ZNF85: variants seen among roughly 807,000 people sequenced by gnomAD.
ZNF85 encodes zinc finger protein 85, also known as zinc finger protein 85 (HPF4, HTF1).
A neutral mutation model predicts 53.9 loss-of-function variants in ZNF85; 50 were observed. The ratio of observed to expected loss-of-function variants is 0.93; its 90% CI spans 0.74 to 1.17. The LOEUF (loss-of-function observed/expected upper bound fraction) is 1.17, where lower values mean the gene tolerates loss of function less well. ZNF85 is among the 50% of genes most tolerant of loss of function. The pLI is 0.00. For synonymous variants in ZNF85, 225 were observed against 226.1 expected (o/e 1.00, Z 0.04); for missense variants, 747 against 688.5 (o/e 1.08, Z -0.95).
chr19:20,930,120 CAAAAAAAAAAA>C (rs57832039), intron 1 of ZNF85, among the ~76,000 whole-genome samples: 23 of 79,272 alleles, frequency 2.9e-4, no homozygotes, highest in Non-Finnish European at 4.3e-4. Flanking sequence ...GACTCCGTCC[CAAAAAAAAAAA>C]AAAAAAAAAA....
At position 20,950,293 on chromosome 19, in the gene ZNF85, A is replaced by G; in HGVS notation, c.1779A>G (p.Leu593=). Residue 593 remains leucine (L), a synonymous_variant, in exon 4 of 4, where the codon TTA becomes TTG. Coordinates refer to ENST00000328178, the MANE Select transcript of ZNF85 (RefSeq NM_003429.5). ...KHKIIHTGEK[L]QI The stretch of plus-strand genomic sequence containing the variant: ...AGATAATTCATACCGGAGAAAAATT[A>G]CAAATATGAAAATTATGGCAAAGCT... 1.3e-6 allele frequency: 2 copies of G among 1,522,648 alleles called. No individual in the cohort carries two copies. The highest frequency in any genetic ancestry group is 1.8e-6 in the Non-Finnish European group (2 of 1,138,866). The allele number at this position is 1,522,648 out of a possible 1,614,324, so 94.3% of individuals were successfully genotyped here. A position where few individuals can be genotyped will look rare whatever the true frequency, so the allele number is the denominator to read the frequency against.
chr19:20,946,649 G>A (rs1973429546), intron 3 of ZNF85, among the ~76,000 whole-genome samples: 1 of 151,780 alleles, frequency 6.6e-6, no homozygotes, highest in African/African-American at 2.4e-5. Flanking sequence ...ATCTATTATT[G>A]TTTAATGTCC....
chr19:20,949,957 T>C lies in ZNF85; in HGVS notation c.1443T>C (p.Pro481=), dbSNP rs555863477. The part of the protein sequence containing the change: ...RHKKSHTEEK[P]YKCEECGKGF... ...AGAAAAGTCATACAGAAGAGAAACC[T>C]TACAAATGTGAAGAATGTGGCAAAG... The change falls in exon 4 of 4, where the codon CCT becomes CCC. Residue 481 remains proline, a synonymous_variant. Coordinates refer to ENST00000328178, the MANE Select transcript of ZNF85 (RefSeq NM_003429.5). The C allele has an allele frequency of 2.0e-5, 33 of 1,611,574 alleles. No individual in the cohort carries two copies. The highest frequency in any genetic ancestry group is 2.6e-5 in the Non-Finnish European group (31 of 1,178,938).
At chr19:20,941,211 T>A (rs1204318356) in intron 3 of ZNF85, among the ~76,000 whole-genome samples, 1 of 152,198 alleles carries the variant, frequency 6.6e-6, no homozygotes, top group African/African-American at 2.4e-5. Flanking sequence ...TGATTTTGTT[T>A]TTCATTGTTA....
chr19:20,933,895 C>T lies in ZNF85; in HGVS notation c.4-129C>T, dbSNP rs1973086194. 1.8e-5 allele frequency: 18 copies of T among 1,025,004 alleles called. No homozygotes were observed. In the South Asian group the frequency reaches 3.1e-4, roughly 18 times the overall value. The allele number at this position is 1,025,004 out of a possible 1,614,324, so 63.5% of individuals were successfully genotyped here. ...ACTCCTGTAAGTCAGAAACAGTTACCTGTACTCTCTCATTTCACCTTGAGT... is the reference window on the plus strand; with the variant it reads ...ACTCCTGTAAGTCAGAAACAGTTACTTGTACTCTCTCATTTCACCTTGAGT... On this transcript the variant is annotated intron_variant, in intron 1 of 3. Coordinates refer to ENST00000328178, the MANE Select transcript of ZNF85 (RefSeq NM_003429.5).
intron 3 of ZNF85, among the ~76,000 whole-genome samples, chr19:20,938,806 A>G (rs930076751): frequency 1.9e-4 from 29 of 151,630 alleles, no homozygotes; most frequent in Non-Finnish European, 3.5e-4. Flanking sequence ...TTTATTCCCA[A>G]ATATTTGTTT....
rs113433025 is a variant in ZNF85 at position 20,948,483 on chromosome 19, CT to C, written c.230-252del. 4.3e-3 allele frequency among the ~76,000 whole-genome samples: 634 copies of C among 146,900 alleles called. 4 individuals carry two copies. Among genetic ancestry groups the C allele is most frequent in the African/African-American group, 0.015 (592 of 40,142 alleles). Reference sequence around the variant, plus strand: ...ATAGCTGTGTTGTAAATGTAACAAACTTTTTTTTTCCTATGTGGCTCTTTGC... The same window carrying C: ...ATAGCTGTGTTGTAAATGTAACAAACTTTTTTTTCCTATGTGGCTCTTTGC... On this transcript the variant is annotated intron_variant, in intron 3 of 3. Transcript: ENST00000328178.
In ZNF85 at chr19:20,948,765, A is replaced by G. The variant is rs56321708; in HGVS notation, c.251A>G (p.Gln84Arg). ...KPTVMCSHFA[Q>R]DLWPEQNIKD... ...TCAGTTATGTGTTCTCATTTTGCCC[A>G]AGACCTTTGGCCGGAGCAGAATATA... Residue 84 changes from glutamine (Q) to arginine (R), a missense_variant, in exon 4 of 4, where the codon CAA (glutamine) becomes CGA (arginine). Physicochemically the swap from Gln to Arg is conservative, Grantham distance 43. Transcript: ENST00000328178. The G allele has an allele frequency of 0.12, 187,764 of 1,569,750 alleles. 11,679 individuals carry two copies. The highest frequency in any genetic ancestry group is 0.13 in the Non-Finnish European group (148,031 of 1,160,126).
At chr19:20,931,015 T>C (rs1308379496) in intron 1 of ZNF85, among the ~76,000 whole-genome samples, 1 of 152,190 alleles carries the variant, frequency 6.6e-6, no homozygotes, top group Non-Finnish European at 1.5e-5. Flanking sequence ...CCTCTGGTGA[T>C]CCACCTGCCT....
In ZNF85 at chr19:20,942,820, G is replaced by A. The variant is rs760860488; in HGVS notation, c.230-5924G>A. 18 of 699,624 alleles carry A rather than the reference G, an allele frequency of 2.6e-5. No individual in the cohort carries two copies. In the African/African-American group the frequency reaches 3.0e-4, roughly 12 times the overall value. 43.3% of individuals were successfully genotyped at this position (699,624 alleles called of 1,614,324 possible). On this transcript the variant is annotated intron_variant, in intron 3 of 3. Coordinates refer to ENST00000328178, the MANE Select transcript of ZNF85 (RefSeq NM_003429.5). ...ACGCAGAATCTTACTCTGTCACCCA[G>A]TCTGGAATGCAGTAGCAAGATTTTG...
At position 20,946,855 on chromosome 19, in the gene ZNF85, G is replaced by A. The variant is rs375135483; in HGVS notation, c.230-1889G>A. Among the ~76,000 whole-genome samples the A allele has an allele frequency of 1.6e-4, 24 of 151,938 alleles. 1 individual carries two copies. The highest frequency in any genetic ancestry group is 5.5e-4 in the African/African-American group (23 of 41,466). On this transcript the variant is annotated intron_variant, in intron 3 of 3. Coordinates refer to ENST00000328178, the MANE Select transcript of ZNF85 (RefSeq NM_003429.5). ...GATCGCAACTGACTCTTGTAGAAAG[G>A]CAAGTTGAATCCTGGTTTTTAATTT...
At chr19:20,942,946 T>G (rs1568553069) in intron 3 of ZNF85, 14 of 551,786 alleles carry the variant, frequency 2.5e-5, no homozygotes, top group Non-Finnish European at 3.2e-5. Context: ...TGGCTAATTT[T>G]TTGATTATTT....
intron 3 of ZNF85, among the ~76,000 whole-genome samples, chr19:20,942,576 ATTTG>A (rs1344954543): frequency 6.6e-6 from 1 of 152,112 alleles, no homozygotes; most frequent in Non-Finnish European, 1.5e-5. Context: ...ATTATATTGA[ATTTG>A]TTTGCCACTG....
intron 1 of ZNF85, among the ~76,000 whole-genome samples, chr19:20,924,743 T>G (rs1972840619): frequency 6.6e-6 from 1 of 152,234 alleles, no homozygotes; most frequent in Non-Finnish European, 1.5e-5. Flanking sequence ...TAAAAAATTG[T>G]CTTCTGTTTG....
In ZNF85 at chr19:20,950,530, G is replaced by T. The variant is rs1973559398; in HGVS notation, c.*228G>T. The T allele has an allele frequency of 1.8e-5, 7 of 394,098 alleles. No individual in the cohort carries two copies. The highest frequency in any genetic ancestry group is 8.1e-5 in the Admixed American group (2 of 24,604). The allele number at this position is 394,098 out of a possible 1,614,324, so 24.4% of individuals were successfully genotyped here. A position where few individuals can be genotyped will look rare whatever the true frequency, so the allele number is the denominator to read the frequency against. Reference sequence around the variant, plus strand: ...TAATTCATATTGGAACAAACTACAAGTGCAAACAATGTGGCAAAACTTAAT... The same window carrying T: ...TAATTCATATTGGAACAAACTACAATTGCAAACAATGTGGCAAAACTTAAT... On this transcript the variant is annotated 3_prime_UTR_variant, in exon 4 of 4. Transcript: ENST00000328178.
rs185047937 is a variant in ZNF85 at position 20,934,192 on chromosome 19, G to A, written c.130+42G>A. The A allele has an allele frequency of 1.4e-3, 2,216 of 1,578,316 alleles. 11 individuals are homozygous for A. In the Middle Eastern group the frequency reaches 0.028, roughly 20 times the overall value. On this transcript the variant is annotated intron_variant, in intron 2 of 3. Transcript: ENST00000328178. ...TACACAATTTCTAATATGCCCTAAA[G>A]GTTTTATTTCTTTTATTTGTGGAAT...
Position 20,928,030 on chromosome 19 carries a change from C to G in ZNF85, c.3+4627C>G, listed in dbSNP as rs576099924. On this transcript the variant is annotated intron_variant, in intron 1 of 3. Coordinates refer to ENST00000328178, the MANE Select transcript of ZNF85 (RefSeq NM_003429.5). The stretch of plus-strand genomic sequence containing the variant: ...CCTATACATTTCTTTCATTTGACTT[C>G]TTCTGGGTTGTATCTTTTATAATAA... 3.3e-5 allele frequency: 5 copies of G among 151,978 alleles called. No individual in the cohort carries two copies. The East Asian group carries it at 9.6e-4, about 29-fold the overall frequency. 9.4% of individuals were successfully genotyped at this position (151,978 alleles called of 1,614,324 possible). A position where few individuals can be genotyped will look rare whatever the true frequency, so the allele number is the denominator to read the frequency against.
intron 1 of ZNF85, 151 bp from the exon 2 acceptor site, chr19:20,933,873 C>T (rs1402694218): frequency 2.2e-5 from 17 of 776,600 alleles, no homozygotes; most frequent in Non-Finnish European, 2.8e-5. Flanking sequence ...TTTAGTCACT[C>T]CTGTAAGTCA....
chr19:20,935,316 T>C (rs1973131833), intron 3 of ZNF85, among the ~76,000 whole-genome samples: 1 of 152,226 alleles, frequency 6.6e-6, no homozygotes, highest in Non-Finnish European at 1.5e-5. Flanking sequence ...TATAAGAGAC[T>C]GCGCAGTCTG....
Sources: gnomAD v4.1 joint callset for allele counts (sites outside exome capture counted in the v4.1 genomes callset) on GRCh38, gnomAD v4.1.1 for gene constraint, MANE v1.5 for transcripts, NCBI Gene and HGNC (gene_info 2026-07-23, HGNC 2026-07-21) for gene names.